CERCAM: variants seen among roughly 807,000 people sequenced by gnomAD.
CERCAM encodes the protein cerebral endothelial cell adhesion molecule, also known as inactive glycosyltransferase 25 family member 3.
A neutral mutation model predicts 66.0 loss-of-function variants in CERCAM; 59 were observed. The observed-to-expected ratio is 0.89, with a 90% CI of 0.73 to 1.11. CERCAM has a LOEUF of 1.11. Ranked by LOEUF, CERCAM falls within the 50% of genes most tolerant of loss-of-function variation. The pLI is 0.00. For missense variants in CERCAM, 840 were observed against 828.3 expected, an observed-to-expected ratio of 1.01 and a Z score of -0.17; for synonymous variants, 318 against 343.6, an observed-to-expected ratio of 0.93 and a Z score of 0.83.
intron 5 of CERCAM, 129 bp downstream of exon 5, chr9:128,424,743 T>A: frequency 1.3e-6 from 1 of 799,512 alleles, no homozygotes; most frequent in Non-Finnish European, 1.9e-6. Context: ...CAACTTTGGG[T>A]CATGAGTTTT....
intron 8 of CERCAM, chr9:128,430,890 T>A: frequency 7.2e-6 from 2 of 278,690 alleles, no homozygotes; most frequent in Non-Finnish European, 1.3e-5. Context: ...GCACCTGTAA[T>A]CTCAGCTACT....
chr9:128,433,640 C>CA (rs141417618), intron 9 of CERCAM, among the ~76,000 whole-genome samples: 6 of 150,970 alleles, frequency 4.0e-5, no homozygotes, highest in East Asian at 3.9e-4. Flanking sequence ...AACTTCGTCT[C>CA]AAAAAAAAAG....
At position 128,424,687 on chromosome 9, in the gene CERCAM, C is replaced by T. The variant is rs1011688607; in HGVS notation, c.766+73C>T. 7 of 1,362,618 alleles carry T rather than the reference C, an allele frequency of 5.1e-6. No individual in the cohort carries two copies. The African/African-American group carries it at 8.6e-5, about 17-fold the overall frequency. 84.4% of individuals were successfully genotyped at this position (1,362,618 alleles called of 1,614,324 possible). A position where few individuals can be genotyped will look rare whatever the true frequency, so the allele number is the denominator to read the frequency against. ...TGCACATGCTATTCCAGCTGCTTAC[C>T]ATGCCCTTCCCTACTCTGCATTTCA... On this transcript the variant is annotated intron_variant, in intron 5 of 12. Coordinates refer to ENST00000372838, the MANE Select transcript of CERCAM (RefSeq NM_016174.5).
chr9:128,435,057 A>G (rs2907928), intron 11 of CERCAM, among the ~76,000 whole-genome samples: 150,041 of 151,458 alleles, frequency 0.99, 74,340 homozygotes, highest in East Asian at 1. Flanking sequence ...GCAGTGGCGC[A>G]ATCTTGGCTC....
chr9:128,423,332 A>G, intron 3 of CERCAM, 69 bp downstream of exon 3: 1 of 1,328,674 alleles, frequency 7.5e-7, no homozygotes, highest in Non-Finnish European at 1.1e-6. Flanking sequence ...AAATCTGGGT[A>G]TAGGCTGGGT....
rs1834068670 is a variant in CERCAM at position 128,434,685 on chromosome 9, G to C, written c.1535+72G>C. 7 of 1,457,768 alleles carry C rather than the reference G, an allele frequency of 4.8e-6. No homozygotes were observed. The Admixed American group carries it at 1.3e-4, about 27-fold the overall frequency. The allele number at this position is 1,457,768 out of a possible 1,614,324, so 90.3% of individuals were successfully genotyped here. ...TCCAGGAACTCACCTCAGTCAGCAG[G>C]AAGTCCCCTCACCTGGCAGATGGGG... On this transcript the variant is annotated intron_variant, in intron 11 of 12. Transcript: ENST00000372838. This position sits in a 1 kb window ranked among gnomAD's most constrained non-coding sequence, Gnocchi z 4.5.
At chr9:128,432,779 A>G (rs1834005059) in intron 9 of CERCAM, among the ~76,000 whole-genome samples, 1 of 152,218 alleles carries the variant, frequency 6.6e-6, no homozygotes, top group Non-Finnish European at 1.5e-5. Flanking sequence ...AAAGTTATCA[A>G]AAGTACTTTT....
chr9:128,434,309 G>T lies in CERCAM; in HGVS notation c.1331+80G>T. ...CCTTTTCCTGCTTGGGACCCTGGCC[G>T]GCCCATCCCCTGAGAGCCTGGCCCT... On this transcript the variant is annotated intron_variant, in intron 10 of 12. Coordinates refer to ENST00000372838, the MANE Select transcript of CERCAM (RefSeq NM_016174.5). The surrounding 1 kb of genome is among the most constrained non-coding windows in gnomAD (Gnocchi z 4.5). 1 of 1,602,614 alleles carries T rather than the reference G, an allele frequency of 6.2e-7. No individual in the cohort carries two copies. The highest frequency in any genetic ancestry group is 8.5e-7 in the Non-Finnish European group (1 of 1,172,786).
chr9:128,434,230 G>T lies in CERCAM; in HGVS notation c.1331+1G>T. On this transcript the variant is annotated splice_donor_variant, in intron 10 of 12. Coordinates refer to ENST00000372838, the MANE Select transcript of CERCAM (RefSeq NM_016174.5). LOFTEE classifies it high-confidence loss of function. The surrounding 1 kb of genome is among the most constrained non-coding windows in gnomAD (Gnocchi z 4.5). ...CAGAGAAACTGTCTTGGGACCTGAT[G>T]TAGGCAGCCTGCACCCTCAGGGACA... 6.2e-7 allele frequency: 1 copy of T among 1,614,050 alleles called. No homozygotes were observed.
intron 12 of CERCAM, among the ~76,000 whole-genome samples, chr9:128,436,149 G>A (rs7871698): frequency 0.061 from 9,336 of 152,130 alleles, 941 homozygotes; most frequent in African/African-American, 0.21. Flanking sequence ...TCTGCCTCTC[G>A]GGCTCAAGAG....
At position 128,420,899 on chromosome 9, in the gene CERCAM, C is replaced by A; in HGVS notation, c.22C>A (p.Pro8Thr). 7.4e-7 allele frequency: 1 copy of A among 1,344,616 alleles called. No homozygotes were observed. The highest frequency in any genetic ancestry group is 1.5e-5 in the African/African-American group (1 of 65,704). 83.3% of individuals were successfully genotyped at this position (1,344,616 alleles called of 1,614,324 possible). Reference protein sequence around the residue: MRAARAAPLLQLLLLLGP... With the variant: MRAARAATLLQLLLLLGP... ...CGCCATGCGCGCTGCCCGCGCCGCG[C>A]CGCTGCTCCAGCTGCTGCTCCTGCT... The change falls in exon 1 of 13, where the codon CCG becomes ACG. Residue 8 changes from proline (P) to threonine (T), a missense_variant. Pro to Thr is a conservative substitution (Grantham distance 38). Coordinates refer to ENST00000372838, the MANE Select transcript of CERCAM (RefSeq NM_016174.5). The surrounding 1 kb of genome is among the most constrained non-coding windows in gnomAD (Gnocchi z 5.0).
Position 128,437,108 on chromosome 9 carries a change from C to T in CERCAM, c.*260C>T, listed in dbSNP as rs931079796. On this transcript the variant is annotated 3_prime_UTR_variant, in exon 13 of 13. Coordinates refer to ENST00000372838, the MANE Select transcript of CERCAM (RefSeq NM_016174.5). ...TGGCCTGATTCAGGGCCTTGTGGCC[C>T]CCAGCTTCTGTTTCAAGCTGGGCAG... 3 of 152,494 alleles carry T rather than the reference C, an allele frequency of 2.0e-5. No homozygotes were observed. The Admixed American group carries it at 2.0e-4, about 10-fold the overall frequency. 9.4% of individuals were successfully genotyped at this position (152,494 alleles called of 1,614,324 possible). A position where few individuals can be genotyped will look rare whatever the true frequency, so the allele number is the denominator to read the frequency against.
chr9:128,422,748 T>C, intron 1 of CERCAM, 120 bp from the exon 2 acceptor site: 1 of 1,142,378 alleles, frequency 8.8e-7, no homozygotes. Context: ...GTAGCACACC[T>C]ACCCTTCACT....
At chr9:128,433,096 G>A (rs970536526) in intron 9 of CERCAM, among the ~76,000 whole-genome samples, 2 of 152,060 alleles carry the variant, frequency 1.3e-5, no homozygotes, top group African/African-American at 2.4e-5. Context: ...TGGCTAACAC[G>A]GTGAAACCCT....
At chr9:128,435,044 G>A (rs559128974) in intron 11 of CERCAM, among the ~76,000 whole-genome samples, 1 of 150,190 alleles carries the variant, frequency 6.7e-6, no homozygotes, top group Admixed American at 6.7e-5. Context: ...CACCCAGTGC[G>A]GTGCAGTGGC....
chr9:128,425,200 G>T (rs905343517), intron 5 of CERCAM, among the ~76,000 whole-genome samples: 28 of 151,926 alleles, frequency 1.8e-4, no homozygotes, highest in African/African-American at 5.3e-4. Context: ...GGGACTACAG[G>T]CGCCCACCAC....
At chr9:128,431,013 C>T in intron 8 of CERCAM, 158 bp from the exon 9 acceptor site, 1 of 867,640 alleles carries the variant, frequency 1.2e-6, no homozygotes, top group Admixed American at 2.3e-5. Flanking sequence ...TCCCCAGGTC[C>T]AGTCCCTTGA....
rs997064592 is a variant in CERCAM, at chr9:128,428,338, G to A, written c.803G>A (p.Gly268Glu). The A allele has an allele frequency of 6.2e-7, 1 of 1,614,104 alleles. No homozygotes were observed. The highest frequency in any genetic ancestry group is 1.1e-5 in the South Asian group (1 of 91,078). ...SVHVCNEHRYGYMNVPVKSHQ... is the reference protein window; with the variant it reads ...SVHVCNEHRYEYMNVPVKSHQ... ...CACGTGTGCAATGAGCACCGTTATG[G>A]GTACATGAATGTGCCGGTGAAATCC... The change falls in exon 6 of 13, where the codon GGG becomes GAG. Residue 268 changes from glycine (G) to glutamate (E), a missense_variant. By Grantham distance (98) the Gly-to-Glu change is moderately conservative. Transcript: ENST00000372838.
chr9:128,428,478 G>A (rs759472770), intron 6 of CERCAM, 57 bp downstream of exon 6: 15 of 1,600,178 alleles, frequency 9.4e-6, no homozygotes, highest in Middle Eastern at 1.7e-4. Context: ...GCCTCCCCAC[G>A]GTGCCCCTTT....
Sources: gnomAD v4.1 joint callset for allele counts (sites outside exome capture counted in the v4.1 genomes callset) on GRCh38, gnomAD v4.1.1 for gene constraint, Gnocchi (gnomAD v3.1) non-coding constraint, MANE v1.5 for transcripts, NCBI Gene and HGNC (gene_info 2026-07-23, HGNC 2026-07-21) for gene names.